Variants in ANO1 observed in about 807,000 individuals in gnomAD.
ANO1 encodes anoctamin-1.
Under a neutral mutation model 124.0 loss-of-function variants are expected in ANO1, and 59 were observed. That is an observed-to-expected ratio of 0.48 (90% CI 0.39 to 0.59). ANO1 has a LOEUF of 0.59. Ranked by LOEUF, ANO1 falls within the 20% of genes least tolerant of loss-of-function variation. The probability of loss-of-function intolerance (pLI) is 0.00; values close to 1 mark genes in which losing one functional copy is unlikely to be tolerated. For missense variants in ANO1, 1,059 were observed against 1,328.0 expected (o/e 0.80, Z 3.15); for synonymous variants, 529 against 532.0 (o/e 0.99, Z 0.08).
At chr11:70,112,021 T>C (rs2045803387) in intron 7 of ANO1, among the ~76,000 whole-genome samples, 1 of 152,218 alleles carries the variant, frequency 6.6e-6, no homozygotes. Context: ...CGACTTCCTC[T>C]GAACCTCGTA....
At chr11:69,979,092 T>C in the ANO1 span, among the ~76,000 whole-genome samples, 3 of 152,186 alleles carry the variant, frequency 2.0e-5, no homozygotes, top group African/African-American at 7.2e-5. Flanking sequence ...CCTGCAAGAT[T>C]CCATGCTGAG....
At chr11:70,181,016 T>A (rs1365005470) in intron 23 of ANO1, among the ~76,000 whole-genome samples, 4 of 152,114 alleles carry the variant, frequency 2.6e-5, no homozygotes, top group African/African-American at 9.7e-5. Context: ...TCGGGGTCTG[T>A]CTGACTCTGC....
rs79065412 is a variant in ANO1 at position 70,021,346 on chromosome 11, G to A, written c.58+35180G>A. On this transcript the variant is annotated intron_variant, in intron 1 of 27. Transcript: ENST00000531349. ...AACGTTGGTTAGGCCTCGTGCATGC[G>A]AGGGAGCGTGGTGGTTGCAGGGGGC... Among the ~76,000 whole-genome samples, 1,051 of 152,274 alleles carry A rather than the reference G, an allele frequency of 6.9e-3. 16 individuals carry two copies. Among genetic ancestry groups the A allele is most frequent in the African/African-American group, 0.023 (968 of 41,540 alleles).
rs2049220509 is a variant in ANO1, at chr11:70,188,228, T to C, written c.*224T>C. 9 of 600,664 alleles carry C rather than the reference T, an allele frequency of 1.5e-5. No individual in the cohort carries two copies. The South Asian group carries it at 1.5e-4, about 10-fold the overall frequency. 37.2% of individuals were successfully genotyped at this position (600,664 alleles called of 1,614,324 possible). A position where few individuals can be genotyped will look rare whatever the true frequency, so the allele number is the denominator to read the frequency against. ...AGGGAATATTTTTTAATCTGTAGTA[T>C]TCAAGATGAATCAAAATGATGGCTG... On this transcript the variant is annotated 3_prime_UTR_variant, in exon 26 of 26. Transcript: ENST00000355303.
chr11:70,130,539 A>G (rs1053672499), intron 10 of ANO1, among the ~76,000 whole-genome samples: 3 of 152,212 alleles, frequency 2.0e-5, no homozygotes, highest in African/African-American at 7.2e-5. Context: ...GAGGTGGAAC[A>G]TCTGTGCCTG....
At chr11:70,014,829 GTTTTT>G (rs5792503) in intron 1 of ANO1, 1 of 140,580 alleles carries the variant, frequency 7.1e-6, no homozygotes, top group Admixed American at 7.1e-5. Context: ...TTTTGTTTTT[GTTTTT>G]TTTTTTTCTT....
intron 1 of ANO1, among the ~76,000 whole-genome samples, chr11:70,044,651 T>A (rs1857231485): frequency 6.6e-6 from 1 of 152,158 alleles, no homozygotes; most frequent in South Asian, 2.1e-4. Context: ...TGATAGTAAA[T>A]GTTTGATGAG....
At chr11:70,168,242 G>A (rs754943941) in intron 21 of ANO1, among the ~76,000 whole-genome samples, 8 of 152,212 alleles carry the variant, frequency 5.3e-5, no homozygotes, top group African/African-American at 1.4e-4. Context: ...GTGGAGCTCA[G>A]GCCGCCCCAG....
At chr11:70,071,217 G>A (rs1391525229) in intron 1 of ANO1, among the ~76,000 whole-genome samples, 3 of 152,136 alleles carry the variant, frequency 2.0e-5, no homozygotes, top group Admixed American at 6.5e-5. Context: ...GGCAAAGGTG[G>A]GTTTCTCTAC....
At chr11:70,068,213 A>T (rs529123336) in intron 1 of ANO1, among the ~76,000 whole-genome samples, 1 of 152,276 alleles carries the variant, frequency 6.6e-6, no homozygotes, top group Admixed American at 6.5e-5. Context: ...CCTAGGGAGA[A>T]CCTGTTTGTT....
the ANO1 span, among the ~76,000 whole-genome samples, chr11:69,980,133 C>A: frequency 6.6e-6 from 1 of 152,116 alleles, no homozygotes. Context: ...CATGGGTGAA[C>A]CTTGAGGACA....
intron 21 of ANO1, among the ~76,000 whole-genome samples, chr11:70,169,725 G>T (rs1240717849): frequency 6.6e-6 from 1 of 152,128 alleles, no homozygotes; most frequent in Non-Finnish European, 1.5e-5. Context: ...CCCAGGGAGA[G>T]AACTTGCAGG....
intron 3 of ANO1, 30 bp downstream of exon 3, chr11:70,103,194 A>G: frequency 6.4e-7 from 1 of 1,574,066 alleles, no homozygotes; most frequent in Non-Finnish European, 8.7e-7. Flanking sequence ...CTCCGAAATG[A>G]ATCGCCAAGT....
chr11:70,122,101 CCT>C (rs1250773623), intron 8 of ANO1, among the ~76,000 whole-genome samples: 1 of 121,028 alleles, frequency 8.3e-6, no homozygotes, highest in Non-Finnish European at 1.8e-5. Context: ...GTCTCCCCCA[CCT>C]CTCTCTGTCT....
intron 14 of ANO1, among the ~76,000 whole-genome samples, chr11:70,154,475 T>C (rs1186645572): frequency 1.4e-5 from 2 of 146,046 alleles, no homozygotes; most frequent in Non-Finnish European, 3.0e-5. Context: ...TTTTTTTTTT[T>C]TTTTTTTTTG....
intron 20 of ANO1, among the ~76,000 whole-genome samples, chr11:70,167,028 TC>T (rs2048280138): frequency 6.6e-6 from 1 of 151,984 alleles, no homozygotes; most frequent in Admixed American, 6.6e-5. Context: ...GTGCCTATAG[TC>T]CCAGCTACTC....
chr11:70,153,048 C>T lies in ANO1; in HGVS notation c.1354-9C>T. 1.3e-6 allele frequency: 2 copies of T among 1,599,914 alleles called. No individual in the cohort carries two copies. Among genetic ancestry groups the T allele is most frequent in the Non-Finnish European group, 1.7e-6 (2 of 1,173,198 alleles). ...CAAGGACTCTGTCTTGACTTGGTTT[C>T]ATTCACAGGATCATCCTAGAGCTGA... On this transcript the variant is annotated splice_polypyrimidine_tract_variant and intron_variant, in intron 13 of 25. Transcript: ENST00000355303.
chr11:70,066,934 G>T (rs1308092768), intron 1 of ANO1, among the ~76,000 whole-genome samples: 1 of 152,174 alleles, frequency 6.6e-6, no homozygotes, highest in Non-Finnish European at 1.5e-5. Flanking sequence ...ATGCAAAGGG[G>T]CCCAAAACAA....
chr11:70,082,787 A>G (rs1465751336), intron 1 of ANO1, among the ~76,000 whole-genome samples: 1 of 152,166 alleles, frequency 6.6e-6, no homozygotes, highest in Non-Finnish European at 1.5e-5. Context: ...GCTCCGTGGA[A>G]GGGCACCATA....
Sources: gnomAD v4.1 joint callset for allele counts (sites outside exome capture counted in the v4.1 genomes callset) on GRCh38, gnomAD v4.1.1 for gene constraint, MANE v1.5 for transcripts, NCBI Gene and HGNC (gene_info 2026-07-23, HGNC 2026-07-21) for gene names.